Variants in MDGA2 observed in about 807,000 individuals in gnomAD.
MDGA2 encodes the protein MAM domain containing glycosylphosphatidylinositol anchor 2, also known as MAM domain-containing glycosylphosphatidylinositol anchor protein 2.
Under a neutral mutation model 117.8 loss-of-function variants are expected in MDGA2, and 40 were observed. The ratio of observed to expected loss-of-function variants is 0.34; its 90% CI spans 0.26 to 0.44. The LOEUF (loss-of-function observed/expected upper bound fraction) is 0.44. Ranked by LOEUF, MDGA2 falls within the 20% of genes least tolerant of loss-of-function variation. The pLI is 1.00. For missense variants in MDGA2, 1,123 were observed against 1,250.6 expected (o/e 0.90, Z 1.54); for synonymous variants, 452 against 439.0 (o/e 1.03, Z -0.37).
intron 1 of MDGA2, among the ~76,000 whole-genome samples, chr14:47,529,677 A>T (rs1895052830): frequency 6.6e-6 from 1 of 152,188 alleles, no homozygotes; most frequent in Admixed American, 6.6e-5. Context: ...TAAATTGCTG[A>T]ATTATTTTAT....
Position 47,139,934 on chromosome 14 carries a change from A to G in MDGA2, c.792+4144T>C, listed in dbSNP as rs1003683512. Among the ~76,000 whole-genome samples the G allele has an allele frequency of 3.3e-5, 5 of 150,562 alleles. No individual in the cohort carries two copies. In the South Asian group the frequency reaches 8.4e-4, roughly 25 times the overall value. Reference sequence around the variant, plus strand: ...TGGAGAGAGGGAGAGAGAGGCATAAAAACACTAGCACAATAAGCAAAAGAT... The same window carrying G: ...TGGAGAGAGGGAGAGAGAGGCATAAGAACACTAGCACAATAAGCAAAAGAT... On this transcript the variant is annotated intron_variant, in intron 4 of 16. Transcript: ENST00000399232.
intron 3 of MDGA2, among the ~76,000 whole-genome samples, chr14:47,174,964 G>C (rs1333411749): frequency 1.3e-5 from 2 of 151,928 alleles, no homozygotes; most frequent in African/African-American, 2.4e-5. Flanking sequence ...TGATAAAGGG[G>C]ATATCACCAC....
intron 6 of MDGA2, among the ~76,000 whole-genome samples, chr14:47,088,929 G>A (rs932412244): frequency 3.3e-5 from 5 of 152,140 alleles, no homozygotes; most frequent in Admixed American, 2.0e-4. Context: ...TAAACACTAT[G>A]TTAGTTAGAA....
At chr14:47,231,722 A>T (rs1886697280) in intron 2 of MDGA2, among the ~76,000 whole-genome samples, 1 of 150,234 alleles carries the variant, frequency 6.7e-6, no homozygotes, top group Non-Finnish European at 1.5e-5. Flanking sequence ...AAAAAATAAG[A>T]AAAAGAAAAA....
At chr14:47,169,640 T>C (rs868278662) in intron 3 of MDGA2, among the ~76,000 whole-genome samples, 5 of 151,956 alleles carry the variant, frequency 3.3e-5, no homozygotes. Flanking sequence ...TGGATCTAAT[T>C]AGAACAAAAG....
intron 15 of MDGA2, among the ~76,000 whole-genome samples, chr14:46,851,891 TAA>T (rs1278273219): frequency 7.2e-6 from 1 of 137,990 alleles, no homozygotes; most frequent in Non-Finnish European, 1.6e-5. Flanking sequence ...TGACAAGTTA[TAA>T]AAGATTTTTG....
chr14:47,480,452 C>T (rs1044834582), intron 1 of MDGA2, among the ~76,000 whole-genome samples: 1 of 151,944 alleles, frequency 6.6e-6, no homozygotes, highest in African/African-American at 2.4e-5. Context: ...ATAGCAATAA[C>T]ATTTAGTTCC....
Position 46,957,423 on chromosome 14 carries a change from A to G in MDGA2, c.2040T>C (p.Cys680=), listed in dbSNP as rs1885604038. Residue 680 remains cysteine, a synonymous_variant, in exon 9 of 17, where the codon TGT becomes TGC. Coordinates refer to ENST00000399232, the MANE Select transcript of MDGA2 (RefSeq NM_001113498.3). ...LSNENYGVYN[C]SIINEAGAGR... ...CAGCTCCAGCTTCATTTATGATGCT[A>G]CAGTTATAAACCCCATAGTTTTCAT... 1.2e-6 allele frequency: 2 copies of G among 1,614,142 alleles called. No individual in the cohort carries two copies. Among genetic ancestry groups the G allele is most frequent in the Non-Finnish European group, 1.7e-6 (2 of 1,179,996 alleles).
intron 1 of MDGA2, chr14:47,306,122 T>C (rs1443571505): frequency 1.3e-5 from 2 of 152,162 alleles, no homozygotes; most frequent in African/African-American, 4.8e-5. Context: ...GTCTCAGACA[T>C]AGGAGAGACA....
intron 1 of MDGA2, among the ~76,000 whole-genome samples, chr14:47,590,954 T>G (rs1021877990): frequency 2.0e-5 from 3 of 151,992 alleles, no homozygotes; most frequent in Non-Finnish European, 4.4e-5. Context: ...TTTTCTAAAT[T>G]TGATGACTAA....
chr14:47,511,445 C>T (rs548014776), intron 1 of MDGA2, among the ~76,000 whole-genome samples: 1 of 151,990 alleles, frequency 6.6e-6, no homozygotes, highest in Non-Finnish European at 1.5e-5. Flanking sequence ...ATTAAATAAA[C>T]ATTTAAAATT....
At chr14:47,388,632 T>C (rs1891814141) in intron 1 of MDGA2, among the ~76,000 whole-genome samples, 1 of 152,174 alleles carries the variant, frequency 6.6e-6, no homozygotes, top group Non-Finnish European at 1.5e-5. Flanking sequence ...GACTCTGAGA[T>C]GCCAAGTAGC....
chr14:47,342,001 G>C (rs1041037968), intron 1 of MDGA2, among the ~76,000 whole-genome samples: 2 of 151,906 alleles, frequency 1.3e-5, no homozygotes, highest in African/African-American at 4.8e-5. Flanking sequence ...CACCAGGCCC[G>C]GATAATTTTT....
At chr14:47,626,700 G>A (rs564468438) in intron 1 of MDGA2, among the ~76,000 whole-genome samples, 136 of 152,274 alleles carry the variant, frequency 8.9e-4, no homozygotes, top group African/African-American at 3.2e-3. Context: ...TAGCACCTGG[G>A]CCAGCAGCTG....
At chr14:47,194,056 G>C (rs980066103) in intron 3 of MDGA2, among the ~76,000 whole-genome samples, 1 of 152,072 alleles carries the variant, frequency 6.6e-6, no homozygotes, top group Non-Finnish European at 1.5e-5. Context: ...TTTAAGAAAT[G>C]TTTCCATGTA....
intron 1 of MDGA2, among the ~76,000 whole-genome samples, chr14:47,317,554 T>A (rs1889845291): frequency 6.6e-6 from 1 of 152,116 alleles, no homozygotes; most frequent in Non-Finnish European, 1.5e-5. Context: ...TCTGATTATA[T>A]CTTTTCAAGA....
At chr14:47,386,127 C>T (rs1202670448) in intron 1 of MDGA2, among the ~76,000 whole-genome samples, 1 of 151,896 alleles carries the variant, frequency 6.6e-6, no homozygotes, top group Non-Finnish European at 1.5e-5. Context: ...ACTAGAAATA[C>T]AAAAATTAGC....
intron 1 of MDGA2, among the ~76,000 whole-genome samples, chr14:47,460,486 G>T (rs1435666728): frequency 6.6e-6 from 1 of 151,926 alleles, no homozygotes. Flanking sequence ...TACTTATTTA[G>T]ATGAGACACA....
At chr14:47,252,218 A>T (rs1165588046) in intron 2 of MDGA2, among the ~76,000 whole-genome samples, 1 of 152,170 alleles carries the variant, frequency 6.6e-6, no homozygotes. Flanking sequence ...TCTAGAATTC[A>T]TAAATACTAG....
Sources: allele counts gnomAD v4.1 joint callset (sites outside exome capture counted in the v4.1 genomes callset), GRCh38; gene constraint gnomAD v4.1.1; transcripts MANE v1.5; gene names NCBI Gene and HGNC (gene_info 2026-07-23, HGNC 2026-07-21).